Variants in NPAS3 observed in about 807,000 individuals in gnomAD.
NPAS3 encodes the protein neuronal PAS domain-containing protein 3.
NPAS3 carries 14 observed loss-of-function variants against 73.1 expected under a neutral mutation model. The observed-to-expected ratio is 0.19, with a 90% CI of 0.13 to 0.30. The LOEUF (loss-of-function observed/expected upper bound fraction) is 0.30. Among genes scored for constraint, NPAS3 ranks in the 10% least tolerant of loss-of-function variants. The probability of loss-of-function intolerance (pLI) is 1.00; values close to 1 mark genes in which losing one functional copy is unlikely to be tolerated. For missense variants in NPAS3, 1,096 were observed against 1,250.0 expected (o/e 0.88, Z 1.86); for synonymous variants, 620 against 541.5 (o/e 1.14, Z -2.01).
chr14:33,802,634 C>G (rs1473056432), downstream of NPAS3: 2 of 152,240 alleles, frequency 1.3e-5, no homozygotes, highest in African/African-American at 4.8e-5. Context: ...GCAGTATATA[C>G]TAAGCTAATG....
At chr14:33,223,798 G>A (rs760377121) in intron 3 of NPAS3, among the ~76,000 whole-genome samples, 1 of 151,314 alleles carries the variant, frequency 6.6e-6, no homozygotes, top group Admixed American at 6.6e-5. Flanking sequence ...GTACATGGAG[G>A]TACCATATCT....
chr14:33,715,637 G>A (rs1343146515), intron 6 of NPAS3, among the ~76,000 whole-genome samples: 2 of 152,138 alleles, frequency 1.3e-5, no homozygotes, highest in African/African-American at 4.8e-5. Context: ...TTTGGGCTAC[G>A]ATTCCAGCCT....
At chr14:33,497,698 C>G (rs575098567) in intron 4 of NPAS3, among the ~76,000 whole-genome samples, 2 of 152,222 alleles carry the variant, frequency 1.3e-5, no homozygotes, top group Non-Finnish European at 2.9e-5. Flanking sequence ...AAAATTAACT[C>G]AAGATGGTTT....
chr14:33,298,047 C>T (rs374608919), intron 3 of NPAS3, among the ~76,000 whole-genome samples: 3 of 152,180 alleles, frequency 2.0e-5, no homozygotes, highest in South Asian at 4.1e-4. Context: ...TTTGGGAGGC[C>T]GAGGTGGGTG....
At chr14:33,010,421 A>G (rs2139638616) in intron 1 of NPAS3, among the ~76,000 whole-genome samples, 1 of 152,358 alleles carries the variant, frequency 6.6e-6, no homozygotes, top group South Asian at 2.1e-4. Context: ...CCTTCACACT[A>G]ACTTTGAGCC....
intron 4 of NPAS3, among the ~76,000 whole-genome samples, chr14:33,397,829 A>G (rs1390971109): frequency 6.6e-6 from 1 of 152,134 alleles, no homozygotes; most frequent in African/African-American, 2.4e-5. Flanking sequence ...GCACATACAC[A>G]GCAGAGAAGG....
intron 7 of NPAS3, among the ~76,000 whole-genome samples, chr14:33,737,302 TG>T (rs2061547265): frequency 6.6e-6 from 1 of 152,126 alleles, no homozygotes; most frequent in Admixed American, 6.6e-5. Flanking sequence ...TGCAAACAAA[TG>T]GAAGAAAGAT....
intron 1 of NPAS3, among the ~76,000 whole-genome samples, chr14:32,956,287 A>G (rs1441960638): frequency 2.0e-5 from 3 of 152,178 alleles, no homozygotes; most frequent in Non-Finnish European, 4.4e-5. Flanking sequence ...AACAGGTTAC[A>G]AAGAGGGCTG....
intron 4 of NPAS3, among the ~76,000 whole-genome samples, chr14:33,514,900 G>A (rs768829027): frequency 1.3e-4 from 20 of 152,018 alleles, no homozygotes; most frequent in Non-Finnish European, 1.5e-5. Flanking sequence ...AATAAATTAA[G>A]TGCCCAACAG....
intron 5 of NPAS3, among the ~76,000 whole-genome samples, chr14:33,667,874 T>A (rs2059499558): frequency 6.6e-6 from 1 of 152,194 alleles, no homozygotes; most frequent in Non-Finnish European, 1.5e-5. Flanking sequence ...CTACAGTGGC[T>A]AAAATATTTT....
At chr14:33,081,644 C>A (rs1473930641) in intron 2 of NPAS3, among the ~76,000 whole-genome samples, 3 of 152,184 alleles carry the variant, frequency 2.0e-5, no homozygotes, top group Non-Finnish European at 4.4e-5. Context: ...TGGTTTAATT[C>A]TTTTGCATTC....
chr14:33,751,429 C>G (rs6571613), intron 7 of NPAS3, among the ~76,000 whole-genome samples: 17,854 of 151,940 alleles, frequency 0.12, 2,265 homozygotes, highest in African/African-American at 0.32. Flanking sequence ...TGGAGAAGAG[C>G]AATATGATCC....
rs771953608 is a variant in NPAS3, at chr14:33,800,149, C to T, written c.1842C>T (p.Arg614=). 12 of 1,595,722 alleles carry T rather than the reference C, an allele frequency of 7.5e-6. No individual in the cohort carries two copies. Among genetic ancestry groups the T allele is most frequent in the Middle Eastern group, 1.7e-4 (1 of 6,042 alleles). Residue 614 remains arginine (R), a synonymous_variant, in exon 12 of 12, where the codon CGC becomes CGT. Transcript: ENST00000356141. The surrounding 1 kb of genome is among the most constrained non-coding windows in gnomAD (Gnocchi z 6.5). ...GGCAAAAGGGCGGCAGCGCCAGCCG[C>T]CGGCGCCTGTCCAGCGCGTCGAGCC...
At chr14:33,690,306 G>C (rs1401468361) in intron 6 of NPAS3, among the ~76,000 whole-genome samples, 1 of 152,020 alleles carries the variant, frequency 6.6e-6, no homozygotes, top group East Asian at 1.9e-4. Flanking sequence ...TGTAGATCTG[G>C]TGGAATGCAT....
intron 3 of NPAS3, among the ~76,000 whole-genome samples, chr14:33,265,500 CAT>C (rs2139983327): frequency 3.1e-5 from 1 of 31,892 alleles, no homozygotes; most frequent in Non-Finnish European, 1.8e-4. Flanking sequence ...CAATGCATTA[CAT>C]TTTTTTTTCA....
intron 9 of NPAS3, among the ~76,000 whole-genome samples, chr14:33,784,745 A>ATTTATTTTTTTTTTTTTTTT (rs1471526546): frequency 9.5e-5 from 7 of 73,856 alleles, no homozygotes; most frequent in African/African-American, 3.1e-4. Context: ...TTATTTATTT[A>ATTTATTTTTTTTTTTTTTTT]TTTTTTTTTT....
chr14:33,712,868 G>A (rs1407682310), intron 6 of NPAS3, among the ~76,000 whole-genome samples: 6 of 152,170 alleles, frequency 3.9e-5, no homozygotes, highest in Non-Finnish European at 7.3e-5. Context: ...GAAATGCTCC[G>A]AAAGCTAGGC....
chr14:33,666,740 T>A (rs2059461067), intron 5 of NPAS3, among the ~76,000 whole-genome samples: 1 of 152,248 alleles, frequency 6.6e-6, no homozygotes, highest in Non-Finnish European at 1.5e-5. Context: ...TTTCTATGTT[T>A]CTTTTAATTA....
intron 1 of NPAS3, among the ~76,000 whole-genome samples, chr14:33,007,344 A>T (rs895681493): frequency 6.6e-6 from 1 of 152,232 alleles, no homozygotes; most frequent in Non-Finnish European, 1.5e-5. Flanking sequence ...ATATTACGAA[A>T]TACTACTAGG....
Sources: allele counts gnomAD v4.1 joint callset (sites outside exome capture counted in the v4.1 genomes callset), GRCh38; gene constraint gnomAD v4.1.1; non-coding constraint Gnocchi (gnomAD v3.1); transcripts MANE v1.5; gene names NCBI Gene and HGNC (gene_info 2026-07-23, HGNC 2026-07-21).